The following WDR43 variants were observed in gnomAD, a reference collection of about 807,000 sequenced individuals.
WDR43 encodes WD repeat-containing protein 43.
Under a neutral mutation model 91.4 loss-of-function variants are expected in WDR43, and 13 were observed. The ratio of observed to expected loss-of-function variants is 0.14; its 90% CI spans 0.09 to 0.23. The LOEUF (loss-of-function observed/expected upper bound fraction) is 0.23. Among genes scored for constraint, WDR43 ranks in the 10% least tolerant of loss-of-function variants. The probability of loss-of-function intolerance (pLI) is 1.00; values close to 1 mark genes in which losing one functional copy is unlikely to be tolerated. For synonymous variants in WDR43, 331 were observed against 287.9 expected, an observed-to-expected ratio of 1.15 and a Z score of -1.51; for missense variants, 780 against 809.4, an observed-to-expected ratio of 0.96 and a Z score of 0.44.
At position 28,941,608 on chromosome 2, in the gene WDR43, T is replaced by C. The variant is rs745942552; in HGVS notation, c.1734+34T>C. On this transcript the variant is annotated intron_variant, in intron 15 of 17. Coordinates refer to ENST00000407426, the MANE Select transcript of WDR43 (RefSeq NM_015131.3). The stretch of plus-strand genomic sequence containing the variant: ...ATCATATTGTTCTGGGCTAAAACTT[T>C]TGGACATGGTAGGAATGGAGAGAGG... 47 of 1,507,650 alleles carry C rather than the reference T, an allele frequency of 3.1e-5. No individual in the cohort carries two copies. The Admixed American group carries it at 5.7e-4, about 18-fold the overall frequency. The allele number at this position is 1,507,650 out of a possible 1,614,324, so 93.4% of individuals were successfully genotyped here. A position where few individuals can be genotyped will look rare whatever the true frequency, so the allele number is the denominator to read the frequency against.
intron 2 of WDR43, 52 bp downstream of exon 2, chr2:28,902,176 T>C (rs1417800402): frequency 6.7e-7 from 1 of 1,499,752 alleles, no homozygotes; most frequent in Non-Finnish European, 8.9e-7. Flanking sequence ...AAGCTGATTA[T>C]TAGAGATTAT....
chr2:28,911,131 T>C (rs141953679), intron 3 of WDR43, among the ~76,000 whole-genome samples: 1 of 152,170 alleles, frequency 6.6e-6, no homozygotes, highest in African/African-American at 2.4e-5. Context: ...AACCCCAGGA[T>C]TATAAAAACA....
chr2:28,910,283 A>C (rs1042339061), intron 3 of WDR43, among the ~76,000 whole-genome samples: 1 of 152,248 alleles, frequency 6.6e-6, no homozygotes, highest in Non-Finnish European at 1.5e-5. Context: ...TCGTCTAGGC[A>C]GGATGGCGAT....
At chr2:28,934,959 G>A (rs1413630566) in intron 11 of WDR43, among the ~76,000 whole-genome samples, 2 of 151,850 alleles carry the variant, frequency 1.3e-5, no homozygotes, top group African/African-American at 4.8e-5. Context: ...TGCTTCTAAG[G>A]GGCAGGACCG....
chr2:28,927,417 T>TTA (rs1449847011), intron 9 of WDR43, 152 bp from the exon 10 acceptor site: 20 of 971,638 alleles, frequency 2.1e-5, no homozygotes, highest in Non-Finnish European at 2.9e-5. Flanking sequence ...TTTGTCAACA[T>TTA]TCAATTTAAA....
intron 1 of WDR43, among the ~76,000 whole-genome samples, chr2:28,896,173 T>G (rs1670476913): frequency 6.6e-6 from 1 of 152,196 alleles, no homozygotes; most frequent in South Asian, 2.1e-4. Context: ...GTGGTTGTAT[T>G]TTAACAGTCC....
chr2:28,925,728 A>G (rs193253999), intron 8 of WDR43, among the ~76,000 whole-genome samples: 85 of 152,336 alleles, frequency 5.6e-4, no homozygotes, highest in African/African-American at 1.9e-3. Context: ...TTTACTTCGT[A>G]TGATCCTCAG....
intron 6 of WDR43, among the ~76,000 whole-genome samples, chr2:28,922,067 T>A (rs1256321187): frequency 6.6e-6 from 1 of 152,240 alleles, no homozygotes; most frequent in Non-Finnish European, 1.5e-5. Flanking sequence ...TTTTCTTTAA[T>A]AAAATCTCTC....
At chr2:28,913,527 C>G (rs2148184942) in intron 4 of WDR43, 1 of 362,486 alleles carries the variant, frequency 2.8e-6, no homozygotes. Flanking sequence ...AAAGTTTTTA[C>G]TATGTGATGA....
intron 14 of WDR43, among the ~76,000 whole-genome samples, chr2:28,939,404 G>T (rs1043369191): frequency 6.6e-6 from 1 of 152,210 alleles, no homozygotes; most frequent in South Asian, 2.1e-4. Flanking sequence ...AACTCCTGAG[G>T]TATAACCAGA....
intron 4 of WDR43, 148 bp downstream of exon 4, chr2:28,912,858 C>T (rs1295270254): frequency 2.7e-6 from 3 of 1,114,428 alleles, no homozygotes; most frequent in Non-Finnish European, 3.7e-6. Flanking sequence ...AGTTAGCCTC[C>T]TAATCTGATT....
chr2:28,894,995 C>T (rs1189149272), intron 1 of WDR43, 72 bp downstream of exon 1: 17 of 1,392,170 alleles, frequency 1.2e-5, no homozygotes, highest in Non-Finnish European at 1.6e-5. Flanking sequence ...CCGGGTGGCG[C>T]GTGGTCCGGC....
Position 28,925,140 on chromosome 2 carries a change from C to T in WDR43, c.1073C>T (p.Thr358Ile), listed in dbSNP as rs769402035. 3 of 1,613,086 alleles carry T rather than the reference C, an allele frequency of 1.9e-6. No homozygotes were observed. Among genetic ancestry groups the T allele is most frequent in the Non-Finnish European group, 2.5e-6 (3 of 1,179,442 alleles). The change falls in exon 8 of 18, where the codon ACT becomes ATT. Residue 358 changes from threonine (T) to isoleucine (I), a missense_variant. This residue lies in a region of WDR43 where 426 missense variants were observed against 467.8 expected (regional missense o/e 0.91). Coordinates refer to ENST00000407426, the MANE Select transcript of WDR43 (RefSeq NM_015131.3). ...GTATATGGCAGTTGGTTTCAGCCTA[C>T]TATTGAGCGAGTGGTACGTAGCTGC... The part of the protein sequence containing the change: ...LLVYGSWFQP[T>I]IERVALNSRE...
At chr2:28,898,038 AATT>A (rs1369862597) in intron 1 of WDR43, among the ~76,000 whole-genome samples, 1 of 152,182 alleles carries the variant, frequency 6.6e-6, no homozygotes, top group Non-Finnish European at 1.5e-5. Flanking sequence ...CAGAAATGTT[AATT>A]ATATTCTCTA....
intron 6 of WDR43, 22 bp from the exon 7 acceptor site, chr2:28,922,897 G>A (rs370861070): frequency 3.8e-6 from 6 of 1,596,162 alleles, no homozygotes; most frequent in Non-Finnish European, 5.1e-6. Context: ...ATTATAATAC[G>A]TTGGTTACAT....
At position 28,947,726 on chromosome 2, in the gene WDR43, T is replaced by G. The variant is rs1032532713; in HGVS notation, c.*947T>G. 5 of 152,018 alleles carry G rather than the reference T, an allele frequency of 3.3e-5. No homozygotes were observed. The highest frequency in any genetic ancestry group is 7.4e-5 in the Non-Finnish European group (5 of 67,958). 9.4% of individuals were successfully genotyped at this position (152,018 alleles called of 1,614,324 possible). On this transcript the variant is annotated 3_prime_UTR_variant, in exon 18 of 18. Coordinates refer to ENST00000407426, the MANE Select transcript of WDR43 (RefSeq NM_015131.3). The stretch of plus-strand genomic sequence containing the variant: ...TTTATAATTAAATAATTTAATGTTT[T>G]TCTTCCTTTTCATTACCTACTCTTG...
chr2:28,935,290 A>G (rs988262131), intron 11 of WDR43, among the ~76,000 whole-genome samples: 2 of 152,176 alleles, frequency 1.3e-5, no homozygotes, highest in Non-Finnish European at 2.9e-5. Flanking sequence ...TACTTCAGTA[A>G]TGAAGTAAAT....
chr2:28,925,751 TG>T (rs1671116955), intron 8 of WDR43, among the ~76,000 whole-genome samples: 1 of 152,082 alleles, frequency 6.6e-6, no homozygotes, highest in Non-Finnish European at 1.5e-5. Context: ...AGACTATGAG[TG>T]GAATATTACA....
At chr2:28,914,412 G>C (rs12714250) in intron 5 of WDR43, among the ~76,000 whole-genome samples, 110,099 of 152,174 alleles carry the variant, frequency 0.72, 39,945 homozygotes, top group East Asian at 0.85. Context: ...GCCTCCTGTG[G>C]TTGTTTAGTG....
Sources: allele counts gnomAD v4.1 joint callset (sites outside exome capture counted in the v4.1 genomes callset), GRCh38; gene constraint gnomAD v4.1.1; regional missense constraint gnomAD v4.1.1; transcripts MANE v1.5; gene names NCBI Gene and HGNC (gene_info 2026-07-23, HGNC 2026-07-21).